BROX: variants seen among roughly 807,000 people sequenced by gnomAD.
BROX encodes the protein BRO1 domain-containing protein BROX.
In BROX, 53 loss-of-function variants were observed where a neutral mutation model predicts 61.0. The observed-to-expected ratio is 0.87, with a 90% CI of 0.70 to 1.09. The LOEUF (loss-of-function observed/expected upper bound fraction) is 1.09. Among genes scored for constraint, BROX ranks in the 50% least tolerant of loss-of-function variants. The pLI, the probability that BROX is intolerant of heterozygous loss-of-function variation, is 0.00. For synonymous variants in BROX, 152 were observed against 160.2 expected (o/e 0.95, Z 0.38); for missense variants, 489 against 472.0 (o/e 1.04, Z -0.33).
rs1380932263 is a variant in BROX at position 222,734,427 on chromosome 1, G to C, written c.*1713G>C. ...CTGAATCAATATTGCATTCAAATAA[G>C]TGATTACTTAAATCATATATCATAG... On this transcript the variant is annotated 3_prime_UTR_variant, in exon 13 of 13. Coordinates refer to ENST00000340934, the MANE Select transcript of BROX (RefSeq NM_144695.4). 2 of 151,730 alleles carry C rather than the reference G, an allele frequency of 1.3e-5. No homozygotes were observed. Among genetic ancestry groups the C allele is most frequent in the African/African-American group, 4.8e-5 (2 of 41,372 alleles). 9.4% of individuals were successfully genotyped at this position (151,730 alleles called of 1,614,324 possible). A position where few individuals can be genotyped will look rare whatever the true frequency, so the allele number is the denominator to read the frequency against.
At chr1:222,718,027 G>A (rs151098127) in intron 2 of BROX, 133 of 152,226 alleles carry the variant, frequency 8.7e-4, no homozygotes, top group African/African-American at 3.1e-3. Flanking sequence ...ATTTGGAACT[G>A]GAATAGAACC....
rs749705248 is a variant in BROX at position 222,715,806 on chromosome 1, T to G, written c.101+6T>G. 6.4e-7 allele frequency: 1 copy of G among 1,557,800 alleles called. No individual in the cohort carries two copies. The highest frequency in any genetic ancestry group is 8.8e-7 in the Non-Finnish European group (1 of 1,140,528). On this transcript the variant is annotated splice_donor_region_variant and intron_variant, in intron 2 of 12. Coordinates refer to ENST00000340934, the MANE Select transcript of BROX (RefSeq NM_144695.4). The stretch of plus-strand genomic sequence containing the variant: ...TCTGCTTCAAAAATATGCAAGTAAG[T>G]TTATTGATTGAACCACTCTTAGATG...
At position 222,712,902 on chromosome 1, in the gene BROX, C is replaced by T. The variant is rs1656167020; in HGVS notation, c.-57C>T. 1 of 1,228,024 alleles carries T rather than the reference C, an allele frequency of 8.1e-7. No homozygotes were observed. Among genetic ancestry groups the T allele is most frequent in the Non-Finnish European group, 1.0e-6 (1 of 954,112 alleles). The allele number at this position is 1,228,024 out of a possible 1,614,324, so 76.1% of individuals were successfully genotyped here. On this transcript the variant is annotated 5_prime_UTR_variant, in exon 1 of 13. Transcript: ENST00000340934. ...TTGTGGACTCCGATATATTGCCCTTCTTCCCTTAGAAGAACTGCTGAACCG... is the reference window on the plus strand; with the variant it reads ...TTGTGGACTCCGATATATTGCCCTTTTTCCCTTAGAAGAACTGCTGAACCG...
chr1:222,731,302 A>T, intron 11 of BROX, 55 bp from the exon 12 acceptor site: 1 of 1,423,138 alleles, frequency 7.0e-7, no homozygotes, highest in Non-Finnish European at 9.5e-7. Context: ...TGAACATATT[A>T]GGCACTCAAA....
chr1:222,726,664 C>T (rs1657524505), intron 7 of BROX, among the ~76,000 whole-genome samples: 1 of 151,952 alleles, frequency 6.6e-6, no homozygotes, highest in African/African-American at 2.4e-5. Flanking sequence ...TTGTGGTGAG[C>T]CGAGATCGTG....
chr1:222,731,353 G>T lies in BROX; in HGVS notation c.990-4G>T, dbSNP rs1657919978. 3 of 1,557,944 alleles carry T rather than the reference G, an allele frequency of 1.9e-6. No homozygotes were observed. The highest frequency in any genetic ancestry group is 2.6e-6 in the Non-Finnish European group (3 of 1,162,156). ...TGAATTGCTATTTAAATTATTTTTT[G>T]CAGTTACTTTCAAAAAATTCCAACA... On this transcript the variant is annotated splice_polypyrimidine_tract_variant and splice_region_variant and intron_variant, in intron 11 of 12. Transcript: ENST00000340934.
intron 9 of BROX, among the ~76,000 whole-genome samples, chr1:222,729,078 A>G (rs1052147829): frequency 6.6e-6 from 1 of 152,196 alleles, no homozygotes. Context: ...CTTGCAGCAT[A>G]CTTAATGAAA....
chr1:222,730,382 G>T (rs1657846984), intron 11 of BROX, among the ~76,000 whole-genome samples: 1 of 152,130 alleles, frequency 6.6e-6, no homozygotes, highest in South Asian at 2.1e-4. Context: ...AATCCCTTAA[G>T]CCCAGGAGTT....
In BROX at chr1:222,729,631, C is replaced by A. The variant is rs759149824; in HGVS notation, c.768C>A (p.Tyr256Ter). Residue 256 changes from tyrosine (Y) to a stop codon, truncating the protein, a stop_gained, in exon 10 of 13, where the codon TAC becomes TAA. Transcript: ENST00000340934. LOFTEE classifies it high-confidence loss of function. ...GTTTATTTCATCAGGCTTACTGTTA[C>A]CATGGTGAGACTTTATTGGCTAGTG... ...MCFYTAYAYC[Y>*]HGETLLASDK... is the part of the protein sequence containing the mutation. 2.5e-6 allele frequency: 4 copies of A among 1,612,464 alleles called. No individual in the cohort carries two copies. The highest frequency in any genetic ancestry group is 3.4e-6 in the Non-Finnish European group (4 of 1,178,954).
At position 222,712,584 on chromosome 1, in the gene BROX, C is replaced by A. The variant is rs1338977707; in HGVS notation, c.-375C>A. Reference sequence around the variant, plus strand: ...GCCCCACTGCGCCGAGGGCCGCCATCGCTATTGCGGCATTCTCCCTCGGCT... The same window carrying A: ...GCCCCACTGCGCCGAGGGCCGCCATAGCTATTGCGGCATTCTCCCTCGGCT... On this transcript the variant is annotated 5_prime_UTR_variant, in exon 1 of 13. Coordinates refer to ENST00000340934, the MANE Select transcript of BROX (RefSeq NM_144695.4). The A allele has an allele frequency of 1.5e-6, 2 of 1,364,786 alleles. No individual in the cohort carries two copies. Among genetic ancestry groups the A allele is most frequent in the East Asian group, 3.1e-5 (1 of 31,974 alleles). The allele number at this position is 1,364,786 out of a possible 1,614,324, so 84.5% of individuals were successfully genotyped here.
In BROX at chr1:222,722,404, T is replaced by A; in HGVS notation, c.306-15T>A. ...GATAATTGACAGAACTTAATGATCA[T>A]GTTTATAATTCCAGTGCCCAGCAGG... On this transcript the variant is annotated splice_polypyrimidine_tract_variant and intron_variant, in intron 4 of 12. Coordinates refer to ENST00000340934, the MANE Select transcript of BROX (RefSeq NM_144695.4). 6.3e-7 allele frequency: 1 copy of A among 1,596,456 alleles called. No homozygotes were observed. The highest frequency in any genetic ancestry group is 8.6e-7 in the Non-Finnish European group (1 of 1,164,394).
intron 1 of BROX, chr1:222,713,295 A>C: frequency 3.0e-6 from 3 of 985,932 alleles, no homozygotes; most frequent in Non-Finnish European, 3.6e-6. Flanking sequence ...GAAAGAGGGG[A>C]ACTCAAGTGT....
At chr1:222,728,878 C>G in intron 9 of BROX, 50 bp downstream of exon 9, 2 of 1,352,644 alleles carry the variant, frequency 1.5e-6, no homozygotes, top group Non-Finnish European at 2.1e-6. Flanking sequence ...TTCTCCAGCC[C>G]TTGGAGTGCC....
At chr1:222,719,201 A>G (rs1485719070) in intron 3 of BROX, 62 bp from the exon 4 acceptor site, 9 of 1,378,676 alleles carry the variant, frequency 6.5e-6, no homozygotes, top group Admixed American at 3.8e-5. Flanking sequence ...ATTTTTCCAA[A>G]CAGAACACTC....
chr1:222,722,193 CATGCTT>C (rs553357238), intron 4 of BROX, among the ~76,000 whole-genome samples: 1,836 of 152,284 alleles, frequency 0.012, 21 homozygotes, highest in Middle Eastern at 0.034. Context: ...CTCCTATTCC[CATGCTT>C]ATTATTAAGT....
In BROX at chr1:222,726,843, C is replaced by T. The variant is rs556951795; in HGVS notation, c.581-325C>T. On this transcript the variant is annotated intron_variant, in intron 7 of 12. Coordinates refer to ENST00000340934, the MANE Select transcript of BROX (RefSeq NM_144695.4). The stretch of plus-strand genomic sequence containing the variant: ...GAGGCTGCAGTAAGCCATGATCAAG[C>T]CACTGCACTCCATCCTGGGTGACAG... 7.2e-5 allele frequency among the ~76,000 whole-genome samples: 11 copies of T among 152,252 alleles called. No individual in the cohort carries two copies. In the South Asian group the frequency reaches 2.3e-3, roughly 32 times the overall value.
At chr1:222,731,259 A>G (rs1657913533) in intron 11 of BROX, 98 bp from the exon 12 acceptor site, 1 of 1,048,100 alleles carries the variant, frequency 9.5e-7, no homozygotes, top group Non-Finnish European at 1.3e-6. Flanking sequence ...CCTCTTATCC[A>G]TCATTAAATT....
chr1:222,723,992 C>T, intron 5 of BROX, 100 bp from the exon 6 acceptor site: 1 of 798,128 alleles, frequency 1.3e-6, no homozygotes, highest in Non-Finnish European at 2.0e-6. Flanking sequence ...CAGTGAGAAA[C>T]ATAAATGACT....
intron 11 of BROX, among the ~76,000 whole-genome samples, chr1:222,730,795 C>A (rs1049581895): frequency 6.6e-6 from 1 of 152,038 alleles, no homozygotes. Flanking sequence ...GTTTCCCTGC[C>A]ATTCTTCCTC....
Sources: allele counts gnomAD v4.1 joint callset (sites outside exome capture counted in the v4.1 genomes callset), GRCh38; gene constraint gnomAD v4.1.1; transcripts MANE v1.5; gene names NCBI Gene and HGNC (gene_info 2026-07-23, HGNC 2026-07-21).